PLCL2: variants seen among roughly 807,000 people sequenced by gnomAD.
PLCL2 encodes the protein phospholipase C like 2.
A neutral mutation model predicts 79.6 loss-of-function variants in PLCL2; 4 were observed. The observed-to-expected ratio is 0.05, with a 90% confidence interval of 0.02 to 0.11. The LOEUF (loss-of-function observed/expected upper bound fraction) is 0.11, where lower values mean the gene tolerates loss of function less well. Ranked by LOEUF, PLCL2 falls within the 10% of genes least tolerant of loss-of-function variation. The probability of loss-of-function intolerance (pLI) is 1.00; values close to 1 mark genes in which losing one functional copy is unlikely to be tolerated. For missense variants in PLCL2, 895 were observed against 1,291.0 expected, an observed-to-expected ratio of 0.69 and a Z score of 4.70; for synonymous variants, 484 against 457.7, an observed-to-expected ratio of 1.06 and a Z score of -0.73.
rs1311387585 is a variant in PLCL2, at chr3:16,884,983, G to GGCGGGGAC, written c.-45_-38dup. On this transcript the variant is annotated 5_prime_UTR_variant, in exon 1 of 6. Coordinates refer to ENST00000615277, the MANE Select transcript of PLCL2 (RefSeq NM_001144382.2). The surrounding 1 kb of genome is among the most constrained non-coding windows in gnomAD (Gnocchi z 9.3). Reference sequence around the variant, plus strand: ...GCCGCGCGCGGCGGCCCGAGGCGGCGGCGGGGACGCGGGGACGCGAGGACG... The same window carrying GGCGGGGAC: ...GCCGCGCGCGGCGGCCCGAGGCGGCGGCGGGGACGCGGGGACGCGGGGACGCGAGGACG... The GGCGGGGAC allele has an allele frequency of 1.3e-4, 24 of 182,122 alleles. No homozygotes were observed. Among genetic ancestry groups the GGCGGGGAC allele is most frequent in the East Asian group, 1.1e-3 (7 of 6,498 alleles). The allele number at this position is 182,122 out of a possible 1,614,324, so 11.3% of individuals were successfully genotyped here.
At chr3:16,979,039 A>G (rs1038458473) in intron 1 of PLCL2, among the ~76,000 whole-genome samples, 1 of 152,122 alleles carries the variant, frequency 6.6e-6, no homozygotes, top group African/African-American at 2.4e-5. Flanking sequence ...ATTTGTTTTT[A>G]TTACTGTTGT....
intron 3 of PLCL2, among the ~76,000 whole-genome samples, chr3:17,033,934 A>G (rs958570652): frequency 3.9e-5 from 6 of 152,106 alleles, no homozygotes; most frequent in African/African-American, 1.4e-4. Context: ...TTTCCTTATA[A>G]GCCCTGTGGT....
At chr3:16,959,244 T>C (rs1260714507) in intron 1 of PLCL2, among the ~76,000 whole-genome samples, 2 of 152,194 alleles carry the variant, frequency 1.3e-5, no homozygotes, top group Admixed American at 1.3e-4. Context: ...TGCTCCCTTT[T>C]ACTACAAAAC....
chr3:16,959,180 A>C (rs191689521), intron 1 of PLCL2, among the ~76,000 whole-genome samples: 4 of 152,240 alleles, frequency 2.6e-5, no homozygotes, highest in Non-Finnish European at 5.9e-5. Context: ...ATTCTGCCAT[A>C]CACCCAGGCT....
At chr3:17,060,828 T>G (rs2064945098) in intron 4 of PLCL2, among the ~76,000 whole-genome samples, 1 of 152,108 alleles carries the variant, frequency 6.6e-6, no homozygotes, top group South Asian at 2.1e-4. Context: ...TACACCTAAT[T>G]TGGGGAATTG....
intron 4 of PLCL2, among the ~76,000 whole-genome samples, chr3:17,063,500 G>T (rs2064976791): frequency 6.6e-6 from 1 of 150,804 alleles, no homozygotes; most frequent in Admixed American, 6.6e-5. Context: ...AATGTCTGTG[G>T]CTGGGCCCAC....
chr3:17,036,594 T>C (rs2064658144), intron 3 of PLCL2, among the ~76,000 whole-genome samples: 1 of 152,202 alleles, frequency 6.6e-6, no homozygotes, highest in Non-Finnish European at 1.5e-5. Context: ...GCACCAAAGC[T>C]TACAAATTCC....
chr3:17,047,537 C>T (rs1199897696), intron 4 of PLCL2, among the ~76,000 whole-genome samples: 1 of 152,216 alleles, frequency 6.6e-6, no homozygotes, highest in Non-Finnish European at 1.5e-5. Flanking sequence ...GTTGCATCTT[C>T]ACTGAGTAAA....
intron 4 of PLCL2, among the ~76,000 whole-genome samples, chr3:17,044,907 G>T (rs1015409949): frequency 3.9e-5 from 6 of 152,156 alleles, no homozygotes; most frequent in African/African-American, 1.4e-4. Context: ...ATCTATTAGG[G>T]ATTTTGATTA....
At chr3:16,987,602 A>G (rs1392613516) in intron 1 of PLCL2, among the ~76,000 whole-genome samples, 4 of 152,174 alleles carry the variant, frequency 2.6e-5, no homozygotes, top group African/African-American at 9.7e-5. Flanking sequence ...AGAATTGGAC[A>G]ATACATGAAA....
chr3:17,042,815 A>G, intron 3 of PLCL2, 59 bp from the exon 4 acceptor site: 1 of 1,179,960 alleles, frequency 8.5e-7, no homozygotes, highest in Non-Finnish European at 1.3e-6. Context: ...CTTGTGCATG[A>G]ATGCAGGAGG....
chr3:16,889,427 G>A (rs1308182450), intron 1 of PLCL2, among the ~76,000 whole-genome samples: 1 of 152,200 alleles, frequency 6.6e-6, no homozygotes, highest in Non-Finnish European at 1.5e-5. Flanking sequence ...CTCTGTTTCT[G>A]CTGGTGGAAG....
chr3:17,028,960 A>G (rs1262653748), intron 3 of PLCL2, among the ~76,000 whole-genome samples: 6 of 151,996 alleles, frequency 3.9e-5, no homozygotes, highest in Non-Finnish European at 7.4e-5. Context: ...CTTACCCTAC[A>G]TGTCTTTCCC....
chr3:16,985,118 C>G (rs2064036002), intron 1 of PLCL2, among the ~76,000 whole-genome samples: 1 of 152,060 alleles, frequency 6.6e-6, no homozygotes, highest in Non-Finnish European at 1.5e-5. Flanking sequence ...TCTCTTCGTT[C>G]AAGTATGTAG....
At chr3:16,927,048 ATTT>A (rs1446123873) in intron 1 of PLCL2, among the ~76,000 whole-genome samples, 1 of 152,114 alleles carries the variant, frequency 6.6e-6, no homozygotes, top group Non-Finnish European at 1.5e-5. Context: ...AAAGCAATTT[ATTT>A]TTCTTTTCTT....
chr3:17,016,112 T>TGAGTTCC (rs1559520293), intron 3 of PLCL2, among the ~76,000 whole-genome samples: 1 of 152,230 alleles, frequency 6.6e-6, no homozygotes, highest in Non-Finnish European at 1.5e-5. Context: ...GCTATCACCA[T>TGAGTTCC]GAGTTCCAAG....
intron 1 of PLCL2, among the ~76,000 whole-genome samples, chr3:16,989,917 G>A (rs929253788): frequency 6.6e-6 from 1 of 152,050 alleles, no homozygotes; most frequent in Non-Finnish European, 1.5e-5. Flanking sequence ...TAGGTGCTCA[G>A]ACAGGATAGG....
intron 5 of PLCL2, among the ~76,000 whole-genome samples, chr3:17,085,092 A>G (rs1012912707): frequency 1.3e-5 from 2 of 152,206 alleles, no homozygotes; most frequent in Non-Finnish European, 2.9e-5. Context: ...GCAGGGTTGC[A>G]GGAAACAAGG....
chr3:16,984,075 A>C (rs1246275173), intron 1 of PLCL2, among the ~76,000 whole-genome samples: 1 of 152,214 alleles, frequency 6.6e-6, no homozygotes, highest in Non-Finnish European at 1.5e-5. Flanking sequence ...GCCAGAAGCT[A>C]TGTTATTATG....
Sources: gnomAD v4.1 joint callset for allele counts (sites outside exome capture counted in the v4.1 genomes callset) on GRCh38, gnomAD v4.1.1 for gene constraint, Gnocchi (gnomAD v3.1) non-coding constraint, MANE v1.5 for transcripts, NCBI Gene and HGNC (gene_info 2026-07-23, HGNC 2026-07-21) for gene names.